The following UGT1A8 variants were observed in gnomAD, a reference collection of about 807,000 sequenced individuals.
The protein encoded by UGT1A8 is UDP-glucuronosyltransferase 1A8.
A neutral mutation model predicts 45.3 loss-of-function variants in UGT1A8; 39 were observed. The observed-to-expected ratio is 0.86, with a 90% CI of 0.67 to 1.12. The LOEUF (loss-of-function observed/expected upper bound fraction) is 1.12. Ranked by LOEUF, UGT1A8 falls within the 50% of genes most tolerant of loss-of-function variation. The probability of loss-of-function intolerance (pLI) is 0.00; values close to 1 mark genes in which losing one functional copy is unlikely to be tolerated. For synonymous variants in UGT1A8, 275 were observed against 249.2 expected (o/e 1.10, Z -0.97); for missense variants, 719 against 664.9 (o/e 1.08, Z -0.90).
intron 1 of UGT1A8, among the ~76,000 whole-genome samples, chr2:233,679,033 T>G (rs1223695285): frequency 1.3e-5 from 2 of 152,234 alleles, no homozygotes; most frequent in Admixed American, 1.3e-4. Context: ...TTCTGGACTT[T>G]CATGACATTC....
intron 1 of UGT1A8, among the ~76,000 whole-genome samples, chr2:233,688,858 G>C (rs552889228): frequency 2.0e-5 from 3 of 152,134 alleles, no homozygotes; most frequent in Non-Finnish European, 4.4e-5. Flanking sequence ...CTGATCATAG[G>C]GGGCCTTGCA....
intron 1 of UGT1A8, among the ~76,000 whole-genome samples, chr2:233,679,990 CTT>C (rs1164578554): frequency 1.3e-5 from 2 of 152,116 alleles, no homozygotes; most frequent in Non-Finnish European, 2.9e-5. Flanking sequence ...CTTCATGAAT[CTT>C]TTCTTCTCTT....
intron 1 of UGT1A8, among the ~76,000 whole-genome samples, chr2:233,696,633 T>A (rs1245843858): frequency 6.6e-6 from 1 of 152,220 alleles, no homozygotes; most frequent in Non-Finnish European, 1.5e-5. Context: ...TCTTGCTTAA[T>A]TGCTTTGGAT....
Position 233,649,170 on chromosome 2 carries a change from G to A in UGT1A8, c.855+30608G>A, listed in dbSNP as rs1257825934. On this transcript the variant is annotated intron_variant, in intron 1 of 4. Transcript: ENST00000373450. ...TAAAAAATTATTTTGTGCCATCCAC[G>A]TGTTTGTTGGTTAGCAACTTTTATA... 1.6e-5 allele frequency: 7 copies of A among 441,232 alleles called. No individual in the cohort carries two copies. In the South Asian group the frequency reaches 2.2e-4, roughly 14 times the overall value. 27.3% of individuals were successfully genotyped at this position (441,232 alleles called of 1,614,324 possible).
intron 1 of UGT1A8, among the ~76,000 whole-genome samples, chr2:233,684,708 A>T (rs2074694202): frequency 1.3e-5 from 2 of 152,034 alleles, no homozygotes; most frequent in African/African-American, 4.8e-5. Context: ...GTTATGTATT[A>T]ATGTATATAT....
intron 1 of UGT1A8, among the ~76,000 whole-genome samples, chr2:233,696,335 C>T (rs1189013784): frequency 6.6e-6 from 1 of 152,172 alleles, no homozygotes; most frequent in Non-Finnish European, 1.5e-5. Context: ...TTTCCTTATA[C>T]AGATCTTTCA....
chr2:233,721,383 C>T (rs2076941524), intron 1 of UGT1A8: 1 of 152,770 alleles, frequency 6.5e-6, no homozygotes, highest in South Asian at 2.1e-4. Context: ...TCTTCACTCT[C>T]ATTTTTCTAG....
chr2:233,687,987 G>T (rs1377329144), intron 1 of UGT1A8, among the ~76,000 whole-genome samples: 1 of 152,150 alleles, frequency 6.6e-6, no homozygotes, highest in Non-Finnish European at 1.5e-5. Flanking sequence ...AAATTCAGTG[G>T]TTTTCTGTGT....
chr2:233,675,236 T>A (rs895779103), intron 1 of UGT1A8, among the ~76,000 whole-genome samples: 1 of 152,152 alleles, frequency 6.6e-6, no homozygotes, highest in Non-Finnish European at 1.5e-5. Flanking sequence ...AACGTGAGAT[T>A]TGGAGGGGAC....
At chr2:233,627,676 C>CCTTCCTTCCTTT (rs2073113324) in intron 1 of UGT1A8, among the ~76,000 whole-genome samples, 1 of 150,294 alleles carries the variant, frequency 6.7e-6, no homozygotes, top group Admixed American at 6.7e-5. Context: ...TTCCTTCCTT[C>CCTTCCTTCCTTT]CTTCTTTCTT....
At chr2:233,710,596 A>G (rs1219828092) in intron 1 of UGT1A8, among the ~76,000 whole-genome samples, 2 of 152,016 alleles carry the variant, frequency 1.3e-5, no homozygotes, top group Non-Finnish European at 2.9e-5. Context: ...GCACACCTTT[A>G]TTGGTTTGTT....
chr2:233,743,502 T>C (rs1233244952), intron 1 of UGT1A8: 12 of 1,366,994 alleles, frequency 8.8e-6, no homozygotes, highest in African/African-American at 1.5e-5. Context: ...AGAAAAGGGG[T>C]GCAGACGCTC....
intron 1 of UGT1A8, among the ~76,000 whole-genome samples, chr2:233,671,359 C>A: frequency 6.6e-6 from 1 of 152,158 alleles, no homozygotes; most frequent in Non-Finnish European, 1.5e-5. Flanking sequence ...CTCATTTCAG[C>A]ATTTTAGAGG....
intron 1 of UGT1A8, among the ~76,000 whole-genome samples, chr2:233,683,150 C>T (rs1362078912): frequency 1.3e-5 from 2 of 152,148 alleles, no homozygotes; most frequent in South Asian, 2.1e-4. Context: ...GAATTGTTTT[C>T]AATTTTTTTG....
chr2:233,690,641 C>G (rs1270518819), intron 1 of UGT1A8: 1 of 1,287,710 alleles, frequency 7.8e-7, no homozygotes, highest in Admixed American at 2.3e-5. Flanking sequence ...CTGAGGACAC[C>G]TTGACTCCTA....
At chr2:233,658,483 A>G (rs2073901565) in intron 1 of UGT1A8, among the ~76,000 whole-genome samples, 1 of 152,210 alleles carries the variant, frequency 6.6e-6, no homozygotes, top group Non-Finnish European at 1.5e-5. Context: ...ACCAAATGAC[A>G]TTTAGCCCAT....
chr2:233,765,740 C>T (rs951696953), intron 1 of UGT1A8, among the ~76,000 whole-genome samples: 1 of 147,868 alleles, frequency 6.8e-6, no homozygotes, highest in African/African-American at 2.5e-5. Context: ...TAAATAAACC[C>T]ATAAAGCCAT....
intron 1 of UGT1A8, chr2:233,713,123 G>T (rs571793851): frequency 6.2e-7 from 1 of 1,614,234 alleles, no homozygotes; most frequent in South Asian, 1.1e-5. Context: ...GGCTCAGCAT[G>T]CGGGAGGCCT....
chr2:233,750,449 A>G (rs1225472187), intron 1 of UGT1A8, among the ~76,000 whole-genome samples: 4 of 151,972 alleles, frequency 2.6e-5, no homozygotes, highest in South Asian at 4.1e-4. Context: ...AGAAATTCAA[A>G]CCAGCTACAG....
Sources: gnomAD v4.1 joint callset for allele counts (sites outside exome capture counted in the v4.1 genomes callset) on GRCh38, gnomAD v4.1.1 for gene constraint, MANE v1.5 for transcripts, NCBI Gene and HGNC (gene_info 2026-07-23, HGNC 2026-07-21) for gene names.